Variants in L2HGDH observed in about 807,000 individuals in gnomAD.
L2HGDH encodes the protein L-2-hydroxyglutarate dehydrogenase, also known as L-2-hydroxyglutarate dehydrogenase, mitochondrial.
Under a neutral mutation model 51.5 loss-of-function variants are expected in L2HGDH, and 34 were observed. That is an observed-to-expected ratio of 0.66 (90% CI 0.50 to 0.88). The LOEUF (loss-of-function observed/expected upper bound fraction) is 0.88. L2HGDH is among the 40% of genes least tolerant of loss of function. L2HGDH has a pLI of 0.00. For synonymous variants in L2HGDH, 198 were observed against 197.9 expected (o/e 1.00, Z -0.01); for missense variants, 558 against 571.9 (o/e 0.98, Z 0.25).
intron 2 of L2HGDH, 28 bp downstream of exon 2, chr14:50,302,874 C>T (rs1232908358): frequency 1.4e-6 from 2 of 1,469,200 alleles, no homozygotes; most frequent in Admixed American, 1.7e-5. Flanking sequence ...CAAGTAAGCC[C>T]AAAGAACAAC....
chr14:50,280,857 C>T (rs1344645500), intron 5 of L2HGDH, among the ~76,000 whole-genome samples: 1 of 152,088 alleles, frequency 6.6e-6, no homozygotes, highest in Non-Finnish European at 1.5e-5. Context: ...CTGTGTCGGC[C>T]TGGCTGCAGT....
chr14:50,311,971 G>C (rs577072351), intron 1 of L2HGDH, 40 bp downstream of exon 1: 1 of 1,543,446 alleles, frequency 6.5e-7, no homozygotes, highest in African/African-American at 1.4e-5. Context: ...TCCGCGAGGG[G>C]CAGCAGCGCA....
In L2HGDH at chr14:50,280,684, T is replaced by G. The variant is rs560252997; in HGVS notation, c.704-2130A>C. ...TTATTTTATTTAATTAAAAAAAAAT[T>G]TTTATGTTTAGTAAAGATGGGGTCT... is the stretch of plus-strand genomic sequence containing the variant. On this transcript the variant is annotated intron_variant, in intron 5 of 9. Coordinates refer to ENST00000267436, the MANE Select transcript of L2HGDH (RefSeq NM_024884.3). Among the ~76,000 whole-genome samples the G allele has an allele frequency of 1.1e-3, 165 of 152,202 alleles. 4 individuals carry two copies. Among genetic ancestry groups the G allele is most frequent in the Admixed American group, 8.8e-3 (134 of 15,300 alleles).
chr14:50,282,568 A>G, intron 5 of L2HGDH: 1 of 455,008 alleles, frequency 2.2e-6, no homozygotes, highest in South Asian at 1.6e-5. Flanking sequence ...CTTTAGGTAC[A>G]GTCTATGAGT....
At chr14:50,297,351 T>A (rs1475660169) in intron 3 of L2HGDH, among the ~76,000 whole-genome samples, 1 of 148,284 alleles carries the variant, frequency 6.7e-6, no homozygotes, top group Non-Finnish European at 1.5e-5. Flanking sequence ...CTGCATATAG[T>A]AAAGCCTAAG....
chr14:50,283,660 T>A (rs182967752), intron 5 of L2HGDH, among the ~76,000 whole-genome samples: 5 of 152,352 alleles, frequency 3.3e-5, no homozygotes, highest in African/African-American at 1.2e-4. Flanking sequence ...TTTTAGATAA[T>A]TTCTAGATTA....
In L2HGDH at chr14:50,308,161, C is replaced by T. The variant is rs1301075838; in HGVS notation, c.140+3850G>A. On this transcript the variant is annotated intron_variant, in intron 1 of 9. Transcript: ENST00000267436. ...ATCCCAGCACTTTGGGAGGCCAAGG[C>T]GGGCGGATCACCTGACGTCAGGAGT... Among the ~76,000 whole-genome samples the T allele has an allele frequency of 5.3e-5, 8 of 152,146 alleles. No homozygotes were observed. In the East Asian group the frequency reaches 1.3e-3, roughly 26 times the overall value.
intron 1 of L2HGDH, among the ~76,000 whole-genome samples, chr14:50,310,673 C>T (rs986028522): frequency 6.6e-6 from 1 of 152,014 alleles, no homozygotes. Context: ...CACTGCACTC[C>T]AGCCTTGGCA....
intron 1 of L2HGDH, among the ~76,000 whole-genome samples, chr14:50,309,947 G>A (rs562525326): frequency 8.6e-4 from 129 of 150,544 alleles, no homozygotes; most frequent in Middle Eastern, 3.6e-3. Flanking sequence ...CTCCCACCTC[G>A]GCCTCCCAAA....
intron 6 of L2HGDH, among the ~76,000 whole-genome samples, chr14:50,273,227 GA>G (rs147975298): frequency 0.019 from 2,894 of 152,310 alleles, 43 homozygotes; most frequent in Non-Finnish European, 0.03. Flanking sequence ...TCACTGAAGA[GA>G]AATCTTGGCC....
chr14:50,269,142 G>C (rs751258474), intron 7 of L2HGDH, 21 bp downstream of exon 7: 3 of 1,566,360 alleles, frequency 1.9e-6, no homozygotes, highest in Non-Finnish European at 2.6e-6. Flanking sequence ...AAAATGAGAA[G>C]TAGGAAGCAT....
At chr14:50,282,404 C>T (rs1204184569) in intron 5 of L2HGDH, 10 of 454,494 alleles carry the variant, frequency 2.2e-5, no homozygotes, top group Admixed American at 1.4e-4. Flanking sequence ...CTTTTTCCTT[C>T]ATTCTAACCA....
chr14:50,259,251 A>G (rs796817017), intron 9 of L2HGDH, among the ~76,000 whole-genome samples: 4 of 151,592 alleles, frequency 2.6e-5, no homozygotes, highest in Admixed American at 1.3e-4. Context: ...AGCTAGGACT[A>G]TATGCATGAG....
intron 9 of L2HGDH, among the ~76,000 whole-genome samples, chr14:50,263,065 G>A (rs1047728752): frequency 6.6e-6 from 1 of 152,206 alleles, no homozygotes; most frequent in Non-Finnish European, 1.5e-5. Flanking sequence ...ATGAAATCCA[G>A]TGGTCTAAAA....
chr14:50,297,680 T>A (rs1270405518), intron 3 of L2HGDH, among the ~76,000 whole-genome samples: 1 of 152,074 alleles, frequency 6.6e-6, no homozygotes, highest in Non-Finnish European at 1.5e-5. Flanking sequence ...ACAAAACAGG[T>A]CTTTAAAATT....
chr14:50,277,670 G>A (rs888992225), intron 6 of L2HGDH, among the ~76,000 whole-genome samples: 1 of 151,794 alleles, frequency 6.6e-6, no homozygotes, highest in Non-Finnish European at 1.5e-5. Context: ...CTACTCGGGA[G>A]GCTGAGGCAG....
chr14:50,285,286 T>C (rs1042885253), intron 4 of L2HGDH, among the ~76,000 whole-genome samples: 1 of 152,184 alleles, frequency 6.6e-6, no homozygotes. Context: ...CTGGGACCAA[T>C]GTTTTCTAAT....
At chr14:50,284,142 C>A in intron 4 of L2HGDH, 109 bp from the exon 5 acceptor site, 1 of 1,020,870 alleles carries the variant, frequency 9.8e-7, no homozygotes, top group African/African-American at 1.6e-5. Context: ...TTGATTTTGC[C>A]AAGCTTTTCT....
At position 50,243,537 on chromosome 14, in the gene L2HGDH, A is replaced by T; in HGVS notation, c.*3521T>A. On this transcript the variant is annotated 3_prime_UTR_variant, in exon 10 of 10. Coordinates refer to ENST00000267436, the MANE Select transcript of L2HGDH (RefSeq NM_024884.3). ...ATTTCTTCTGTCAGAAATACATAAA[A>T]CTTTATTATATCAGTATTAAACAAA... 1.4e-6 allele frequency: 1 copy of T among 736,688 alleles called. No homozygotes were observed. The highest frequency in any genetic ancestry group is 6.3e-5 in the South Asian group (1 of 15,990). The allele number at this position is 736,688 out of a possible 1,614,324, so 45.6% of individuals were successfully genotyped here. A position where few individuals can be genotyped will look rare whatever the true frequency, so the allele number is the denominator to read the frequency against.
Sources: gnomAD v4.1 joint callset for allele counts (sites outside exome capture counted in the v4.1 genomes callset) on GRCh38, gnomAD v4.1.1 for gene constraint, MANE v1.5 for transcripts, NCBI Gene and HGNC (gene_info 2026-07-23, HGNC 2026-07-21) for gene names.